The following AR variants were observed in gnomAD, a reference collection of about 807,000 sequenced individuals.
The protein encoded by AR is androgen receptor, also known as dihydrotestosterone receptor.
AR carries 8 observed loss-of-function variants against 53.9 expected under a neutral mutation model. That is an observed-to-expected ratio of 0.15 (90% CI 0.09 to 0.27). The LOEUF (loss-of-function observed/expected upper bound fraction) is 0.27. AR is among the 10% of genes least tolerant of loss of function. AR has a pLI of 1.00. For missense variants in AR, 639 were observed against 742.5 expected, an observed-to-expected ratio of 0.86 and a Z score of 1.62; for synonymous variants, 359 against 316.4, an observed-to-expected ratio of 1.13 and a Z score of -1.43.
chrX:67,715,285 C>T (rs2076108590), intron 4 of AR, among the ~76,000 whole-genome samples: 1 of 105,640 alleles, frequency 9.5e-6, no homozygotes, highest in Non-Finnish European at 1.9e-5. Context: ...CAGTCCAAGG[C>T]ATTCTGTGCT....
intron 1 of AR, among the ~76,000 whole-genome samples, chrX:67,628,762 T>G (rs1019584271): frequency 3.8e-4 from 42 of 111,933 alleles, no homozygotes; most frequent in African/African-American, 1.3e-3. Context: ...AGTATGTTAT[T>G]GGCTGTGGGT....
intron 3 of AR, among the ~76,000 whole-genome samples, chrX:67,710,848 A>C (rs2076090865): frequency 9.0e-6 from 1 of 111,555 alleles, no homozygotes; most frequent in Non-Finnish European, 1.9e-5. Context: ...ATCAAATACT[A>C]TCTTCCATAT....
At chrX:67,665,626 C>T (rs1372799704) in intron 2 of AR, among the ~76,000 whole-genome samples, 2 of 111,193 alleles carry the variant, frequency 1.8e-5, no homozygotes, top group Non-Finnish European at 3.8e-5. Flanking sequence ...TAGAGAAATG[C>T]CCATCATGTA....
At chrX:67,685,814 T>G in intron 2 of AR, 196 bp from the exon 3 acceptor site, 2 of 571,149 alleles carry the variant, frequency 3.5e-6, no homozygotes. Flanking sequence ...CCAATGGAAA[T>G]CAAACAATAT....
At chrX:67,640,903 C>G (rs1486620878) in intron 1 of AR, among the ~76,000 whole-genome samples, 2 of 111,395 alleles carry the variant, frequency 1.8e-5, no homozygotes, top group African/African-American at 6.5e-5. Context: ...TAGCAGTCTG[C>G]ACTCTGCTTT....
At chrX:67,713,361 T>A (rs1052978475) in intron 4 of AR, among the ~76,000 whole-genome samples, 5 of 110,785 alleles carry the variant, frequency 4.5e-5, no homozygotes, top group Non-Finnish European at 7.5e-5. Context: ...AAACAGAGGG[T>A]TCACTCAGAG....
rs751668586 is a variant in AR, at chrX:67,556,558, A to G, written c.1616+9796A>G. Among the ~76,000 whole-genome samples, 78 of 111,919 alleles carry G rather than the reference A, an allele frequency of 7.0e-4. 1 individual carries two copies. Among genetic ancestry groups the G allele is most frequent in the Admixed American group, 6.1e-3 (64 of 10,527 alleles). Reference sequence around the variant, plus strand: ...ATGCCAAATTCTGTACTAGGCACCAATGATGTAGTGGTGAACAGAACAGAC... The same window carrying G: ...ATGCCAAATTCTGTACTAGGCACCAGTGATGTAGTGGTGAACAGAACAGAC... On this transcript the variant is annotated intron_variant, in intron 1 of 7. Coordinates refer to ENST00000374690, the MANE Select transcript of AR (RefSeq NM_000044.6).
At chrX:67,668,955 C>G (rs1181358113) in intron 2 of AR, among the ~76,000 whole-genome samples, 1 of 111,117 alleles carries the variant, frequency 9.0e-6, no homozygotes, top group Non-Finnish European at 1.9e-5. Context: ...TTTTCTTAGT[C>G]TAGCTAAATA....
chrX:67,576,183 C>A (rs1018515701), intron 1 of AR, among the ~76,000 whole-genome samples: 1 of 110,842 alleles, frequency 9.0e-6, no homozygotes, highest in Admixed American at 9.7e-5. Flanking sequence ...AACATGACTG[C>A]AGACCAGGAA....
chrX:67,609,565 T>C (rs1425919388), intron 1 of AR, among the ~76,000 whole-genome samples: 2 of 111,423 alleles, frequency 1.8e-5, no homozygotes, highest in African/African-American at 6.5e-5. Context: ...TGATTTTTTT[T>C]CTCTAAAAAT....
intron 3 of AR, 57 bp from the exon 4 acceptor site, chrX:67,711,345 G>T (rs2076092723): frequency 8.8e-7 from 1 of 1,137,788 alleles, no homozygotes; most frequent in African/African-American, 1.8e-5. Flanking sequence ...AAAGGTAGTT[G>T]CATTGTGTGT....
intron 1 of AR, among the ~76,000 whole-genome samples, chrX:67,577,575 C>A: frequency 9.0e-6 from 1 of 111,247 alleles, no homozygotes; most frequent in Non-Finnish European, 1.9e-5. Context: ...GCAGCAGAAT[C>A]ATTTTACATT....
At chrX:67,643,920 G>A (rs1201674500) in intron 2 of AR, among the ~76,000 whole-genome samples, 1 of 111,551 alleles carries the variant, frequency 9.0e-6, no homozygotes, top group African/African-American at 3.3e-5. Flanking sequence ...TCCTGTTGTG[G>A]CCTCCTTGGG....
At position 67,711,582 on chromosome X, in the gene AR, G is replaced by C. The variant is rs2147524890; in HGVS notation, c.2066G>C (p.Gly689Ala). Residue 689 changes from glycine to alanine, a missense_variant, in exon 4 of 8, where the codon GGA (glycine) becomes GCA (alanine). By Grantham distance (60) the Gly-to-Ala change is moderately conservative (BLOSUM62 0). This residue lies in a region of AR where 95 missense variants were observed against 196.4 expected (regional missense o/e 0.48). Coordinates refer to ENST00000374690, the MANE Select transcript of AR (RefSeq NM_000044.6). The part of the protein sequence containing the change: ...EAIEPGVVCA[G>A]HDNNQPDSFA... ...ATTGAGCCAGGTGTAGTGTGTGCTG[G>C]ACACGACAACAACCAGCCCGACTCC... is the stretch of plus-strand genomic sequence containing the variant. 8.3e-7 allele frequency: 1 copy of C among 1,211,514 alleles called. No individual in the cohort carries two copies. The highest frequency in any genetic ancestry group is 1.1e-6 in the Non-Finnish European group (1 of 895,445).
chrX:67,644,933 C>T (rs926352211), intron 2 of AR, among the ~76,000 whole-genome samples: 2 of 111,163 alleles, frequency 1.8e-5, no homozygotes, highest in Non-Finnish European at 3.8e-5. Flanking sequence ...CTTCAGAGTA[C>T]TCATGAAAGG....
At chrX:67,636,651 A>C (rs1321490552) in intron 1 of AR, among the ~76,000 whole-genome samples, 1 of 111,993 alleles carries the variant, frequency 8.9e-6, no homozygotes, top group East Asian at 2.8e-4. Flanking sequence ...TTTCTCTAGG[A>C]TATAAGCCTG....
intron 1 of AR, among the ~76,000 whole-genome samples, chrX:67,586,546 T>C (rs185549893): frequency 1.8e-5 from 2 of 112,401 alleles, no homozygotes; most frequent in East Asian, 2.8e-4. Flanking sequence ...CTGGAACTCA[T>C]GCCCTTCGCA....
At chrX:67,723,506 C>T (rs893262869) in intron 7 of AR, among the ~76,000 whole-genome samples, 180 bp from the exon 8 acceptor site, 1 of 64,286 alleles carries the variant, frequency 1.6e-5, no homozygotes. Flanking sequence ...CTCTCTCTCT[C>T]GCTGTCTCTC....
intron 2 of AR, among the ~76,000 whole-genome samples, chrX:67,658,869 G>A (rs1177283051): frequency 1.8e-5 from 2 of 111,922 alleles, no homozygotes; most frequent in Non-Finnish European, 3.8e-5. Context: ...TTTAACTGCT[G>A]ATGTGGAGTA....
Sources: gnomAD v4.1 joint callset for allele counts (sites outside exome capture counted in the v4.1 genomes callset) on GRCh38, gnomAD v4.1.1 for gene constraint, gnomAD v4.1.1 regional missense constraint, MANE v1.5 for transcripts, NCBI Gene and HGNC (gene_info 2026-07-23, HGNC 2026-07-21) for gene names.